NECTIN3: variants seen among roughly 807,000 people sequenced by gnomAD.
NECTIN3 encodes nectin cell adhesion molecule 3.
In NECTIN3, 8 loss-of-function variants were observed where a neutral mutation model predicts 49.4. The observed-to-expected ratio is 0.16, with a 90% CI of 0.10 to 0.29. NECTIN3 has a LOEUF of 0.29. Ranked by LOEUF, NECTIN3 falls within the 10% of genes least tolerant of loss-of-function variation. NECTIN3 has a pLI of 1.00. For missense variants in NECTIN3, 581 were observed against 654.6 expected, an observed-to-expected ratio of 0.89 and a Z score of 1.23; for synonymous variants, 277 against 241.1, an observed-to-expected ratio of 1.15 and a Z score of -1.38.
intron 1 of NECTIN3, among the ~76,000 whole-genome samples, chr3:111,093,253 A>G (rs2032378498): frequency 6.6e-6 from 1 of 152,156 alleles, no homozygotes; most frequent in African/African-American, 2.4e-5. Context: ...TAAAGGAGAA[A>G]TACTTAAAGG....
At chr3:111,103,957 A>G (rs1185119070) in intron 1 of NECTIN3, among the ~76,000 whole-genome samples, 1 of 152,208 alleles carries the variant, frequency 6.6e-6, no homozygotes, top group Non-Finnish European at 1.5e-5. Context: ...GTACAAATAA[A>G]GCCACTATGA....
intron 5 of NECTIN3, among the ~76,000 whole-genome samples, chr3:111,130,302 T>C (rs1170411235): frequency 1.3e-5 from 2 of 151,916 alleles, no homozygotes; most frequent in Non-Finnish European, 2.9e-5. Context: ...ACTTTACTTT[T>C]CTATCCAGAG....
chr3:111,123,071 G>A (rs2034020871), intron 4 of NECTIN3, among the ~76,000 whole-genome samples: 1 of 146,154 alleles, frequency 6.8e-6, no homozygotes, highest in Admixed American at 6.8e-5. Flanking sequence ...AATTTTTTTT[G>A]GCCTGTTTTC....
chr3:111,144,809 T>C (rs2034834373), intron 5 of NECTIN3: 1 of 1,378,766 alleles, frequency 7.3e-7, no homozygotes, highest in South Asian at 1.4e-5. Flanking sequence ...CATACTTCAG[T>C]CAAATAGTTT....
intron 7 of NECTIN3, among the ~76,000 whole-genome samples, chr3:111,180,218 C>T (rs1287467874): frequency 6.6e-6 from 1 of 152,130 alleles, no homozygotes; most frequent in African/African-American, 2.4e-5. Context: ...ATATTGAAAA[C>T]CTTCCAGGTC....
intron 3 of NECTIN3, among the ~76,000 whole-genome samples, chr3:111,121,808 G>T (rs71315865): frequency 6.6e-6 from 1 of 151,864 alleles, no homozygotes; most frequent in African/African-American, 2.4e-5. Context: ...TCTACATCTC[G>T]CATAATAGGA....
At chr3:111,142,175 T>A (rs2034763467), downstream of NECTIN3, among the ~76,000 whole-genome samples, 2 of 151,946 alleles carry the variant, frequency 1.3e-5, no homozygotes, top group South Asian at 4.1e-4. Context: ...CTTAAATTAT[T>A]AACACCTTAA....
intron 1 of NECTIN3, among the ~76,000 whole-genome samples, chr3:111,090,417 A>G (rs1426716723): frequency 6.6e-6 from 1 of 152,012 alleles, no homozygotes; most frequent in Non-Finnish European, 1.5e-5. Context: ...CCTACTGTTA[A>G]CTACCCTAGA....
intron 1 of NECTIN3, among the ~76,000 whole-genome samples, chr3:111,093,895 A>G (rs1012458254): frequency 1.3e-5 from 2 of 152,222 alleles, no homozygotes; most frequent in African/African-American, 2.4e-5. Flanking sequence ...TAAAACCTCT[A>G]TTAGTCTGCT....
intron 7 of NECTIN3, among the ~76,000 whole-genome samples, chr3:111,155,126 C>T (rs566799723): frequency 6.4e-4 from 98 of 152,212 alleles, no homozygotes; most frequent in Middle Eastern, 3.4e-3. Context: ...TTAGGAGAGA[C>T]GGGGTTTCAC....
At chr3:111,170,438 G>A (rs1354822343) in intron 7 of NECTIN3, among the ~76,000 whole-genome samples, 2 of 152,020 alleles carry the variant, frequency 1.3e-5, no homozygotes, top group Non-Finnish European at 2.9e-5. Context: ...GGCTTTGAGG[G>A]GTATTAAGGA....
intron 1 of NECTIN3, among the ~76,000 whole-genome samples, chr3:111,075,554 C>T (rs906346279): frequency 3.3e-5 from 5 of 152,006 alleles, no homozygotes; most frequent in African/African-American, 1.2e-4. Flanking sequence ...TATTATATTG[C>T]GCAGCATAAA....
intron 5 of NECTIN3, among the ~76,000 whole-genome samples, chr3:111,128,887 C>T (rs2034274128): frequency 6.6e-6 from 1 of 152,144 alleles, no homozygotes; most frequent in Non-Finnish European, 1.5e-5. Flanking sequence ...TAGGGTAGTT[C>T]TTTTAAAGGA....
chr3:111,139,416 G>A (rs541814820), downstream of NECTIN3, among the ~76,000 whole-genome samples: 1 of 151,688 alleles, frequency 6.6e-6, no homozygotes, highest in Non-Finnish European at 1.5e-5. Context: ...TTTAAATTCT[G>A]CCATTTGCAT....
chr3:111,176,927 A>C (rs1210515164), intron 7 of NECTIN3, among the ~76,000 whole-genome samples: 1 of 152,166 alleles, frequency 6.6e-6, no homozygotes, highest in African/African-American at 2.4e-5. Context: ...ATATAAGGGA[A>C]CTGGCATTCT....
intron 1 of NECTIN3, among the ~76,000 whole-genome samples, chr3:111,110,060 G>A (rs1025909813): frequency 6.6e-6 from 1 of 151,914 alleles, no homozygotes; most frequent in Non-Finnish European, 1.5e-5. Context: ...TATACATTTT[G>A]CATATGTTTA....
At chr3:111,188,034 G>A (rs2035752833), upstream of NECTIN3, among the ~76,000 whole-genome samples, 1 of 152,154 alleles carries the variant, frequency 6.6e-6, no homozygotes, top group African/African-American at 2.4e-5. Flanking sequence ...CATGGGGGCA[G>A]GGAATATGTG....
chr3:111,092,555 T>C (rs1275804882), intron 1 of NECTIN3, among the ~76,000 whole-genome samples: 3 of 152,164 alleles, frequency 2.0e-5, no homozygotes, highest in Admixed American at 6.5e-5. Flanking sequence ...AAAAGATTAT[T>C]CTTTTCCCAT....
intron 7 of NECTIN3, among the ~76,000 whole-genome samples, chr3:111,168,193 A>G (rs773278524): frequency 6.6e-5 from 10 of 152,170 alleles, no homozygotes; most frequent in Non-Finnish European, 1.5e-4. Flanking sequence ...ACAAAGAGCT[A>G]TGGTAATACA....
Sources: allele counts gnomAD v4.1 joint callset (sites outside exome capture counted in the v4.1 genomes callset), GRCh38; gene constraint gnomAD v4.1.1; transcripts MANE v1.5; gene names NCBI Gene and HGNC (gene_info 2026-07-23, HGNC 2026-07-21).